TLK1: variants seen among roughly 807,000 people sequenced by gnomAD.
TLK1 encodes the protein serine/threonine-protein kinase tousled-like 1.
In TLK1, 24 loss-of-function variants were observed where a neutral mutation model predicts 105.3. That is an observed-to-expected ratio of 0.23 (90% CI 0.17 to 0.32). The LOEUF is 0.32. Ranked by LOEUF, TLK1 falls within the 10% of genes least tolerant of loss-of-function variation. The probability of loss-of-function intolerance (pLI) is 1.00; values close to 1 mark genes in which losing one functional copy is unlikely to be tolerated. For synonymous variants in TLK1, 321 were observed against 310.4 expected (o/e 1.03, Z -0.36); for missense variants, 558 against 910.5 (o/e 0.61, Z 4.98).
intron 1 of TLK1, among the ~76,000 whole-genome samples, chr2:171,227,895 G>T (rs573559953): frequency 2.6e-5 from 4 of 152,218 alleles, no homozygotes; most frequent in African/African-American, 7.2e-5. Context: ...AGCACTGAAG[G>T]CCAGACGCGG....
At chr2:171,067,452 C>T (rs372879389) in intron 3 of TLK1, among the ~76,000 whole-genome samples, 12 of 152,034 alleles carry the variant, frequency 7.9e-5, no homozygotes, top group East Asian at 3.9e-4. Context: ...TGAGCCACCA[C>T]GCCCGGCCAC....
rs1204202810 is a variant in TLK1, at chr2:170,993,280, C to CAGTTCTTACTTTG, written c.*487_*499dup. 33 of 152,774 alleles carry CAGTTCTTACTTTG rather than the reference C, an allele frequency of 2.2e-4. No individual in the cohort carries two copies. Among genetic ancestry groups the CAGTTCTTACTTTG allele is most frequent in the African/African-American group, 7.7e-4 (32 of 41,562 alleles). The allele number at this position is 152,774 out of a possible 1,614,324, so 9.5% of individuals were successfully genotyped here. A position where few individuals can be genotyped will look rare whatever the true frequency, so the allele number is the denominator to read the frequency against. On this transcript the variant is annotated 3_prime_UTR_variant, in exon 21 of 21. Transcript: ENST00000431350. Reference sequence around the variant, plus strand: ...ATAAAACACAACTGTCACTGTCATTCAGTTCTTACTTTGGTTTCAGCAGAT... The same window carrying CAGTTCTTACTTTG: ...ATAAAACACAACTGTCACTGTCATTCAGTTCTTACTTTGAGTTCTTACTTTGGTTTCAGCAGAT...
chr2:171,015,656 A>AT (rs1685147029), intron 12 of TLK1, among the ~76,000 whole-genome samples: 1 of 149,276 alleles, frequency 6.7e-6, no homozygotes, highest in Non-Finnish European at 1.5e-5. Flanking sequence ...ACAAGTACAC[A>AT]TATCACTCAT....
intron 2 of TLK1, among the ~76,000 whole-genome samples, chr2:171,101,990 GTTTC>G (rs1460459146): frequency 1.2e-4 from 18 of 152,078 alleles, no homozygotes; most frequent in Non-Finnish European, 1.5e-5. Context: ...GGCTACTTTG[GTTTC>G]TTTCTTATTG....
chr2:171,046,707 T>C (rs1439911635), intron 10 of TLK1, among the ~76,000 whole-genome samples: 1 of 152,194 alleles, frequency 6.6e-6, no homozygotes, highest in Non-Finnish European at 1.5e-5. Context: ...AGAACACAGA[T>C]GGTGTCTATT....
intron 1 of TLK1, among the ~76,000 whole-genome samples, chr2:171,170,381 T>G (rs1692704447): frequency 6.6e-6 from 1 of 152,064 alleles, no homozygotes; most frequent in South Asian, 2.1e-4. Flanking sequence ...GAAAATAAAT[T>G]AGCTAACTAT....
At chr2:171,197,617 A>C (rs766630944) in intron 1 of TLK1, among the ~76,000 whole-genome samples, 1 of 152,120 alleles carries the variant, frequency 6.6e-6, no homozygotes, top group Non-Finnish European at 1.5e-5. Flanking sequence ...TGTATCTACT[A>C]AAAGTACAAA....
At position 171,050,230 on chromosome 2, in the gene TLK1, G is replaced by T; in HGVS notation, c.733-56C>A. On this transcript the variant is annotated intron_variant, in intron 8 of 20. Transcript: ENST00000431350. ...TAGACTGGGGAATATGAAAAGCTTA[G>T]AAATAGTTTTAATGTTCTAAATAAA... 8.9e-6 allele frequency: 11 copies of T among 1,234,234 alleles called. No homozygotes were observed. In the South Asian group the frequency reaches 8.9e-5, roughly 10 times the overall value. 76.5% of individuals were successfully genotyped at this position (1,234,234 alleles called of 1,614,324 possible).
intron 1 of TLK1, among the ~76,000 whole-genome samples, chr2:171,201,357 A>G (rs1354990713): frequency 6.6e-6 from 1 of 152,138 alleles, no homozygotes; most frequent in African/African-American, 2.4e-5. Flanking sequence ...TTTGTCATCA[A>G]TCGTTATGAA....
intron 12 of TLK1, among the ~76,000 whole-genome samples, chr2:171,025,577 C>A (rs1332651876): frequency 1.3e-5 from 2 of 152,140 alleles, no homozygotes; most frequent in African/African-American, 4.8e-5. Context: ...TCAGATCCAG[C>A]CTATGGTAGA....
intron 3 of TLK1, among the ~76,000 whole-genome samples, 153 bp downstream of exon 3, chr2:171,082,628 T>C (rs112765353): frequency 2.6e-5 from 4 of 152,342 alleles, no homozygotes; most frequent in South Asian, 2.1e-4. Context: ...AATCTGAATG[T>C]TGTGCTTCAT....
intron 2 of TLK1, among the ~76,000 whole-genome samples, chr2:171,099,804 G>C (rs146175855): frequency 1.5e-4 from 23 of 152,250 alleles, no homozygotes; most frequent in Non-Finnish European, 2.2e-4. Flanking sequence ...ATAGTCCAAC[G>C]CGAAAAAATT....
intron 19 of TLK1, 80 bp downstream of exon 19, chr2:170,997,632 A>G: frequency 1.3e-6 from 1 of 745,538 alleles, no homozygotes; most frequent in South Asian, 3.0e-5. Flanking sequence ...ACTTTAAGTT[A>G]GTGAAATTTT....
At chr2:171,024,766 A>G (rs1048648168) in intron 12 of TLK1, among the ~76,000 whole-genome samples, 2 of 152,298 alleles carry the variant, frequency 1.3e-5, no homozygotes, top group African/African-American at 2.4e-5. Flanking sequence ...ATTAATGTTC[A>G]CTCAAAAATG....
At chr2:171,062,752 G>A (rs970759933) in intron 3 of TLK1, among the ~76,000 whole-genome samples, 2 of 152,086 alleles carry the variant, frequency 1.3e-5, no homozygotes, top group Admixed American at 6.6e-5. Context: ...CCTACATCAA[G>A]AACTAACTAA....
chr2:171,148,615 G>A (rs1308914932), intron 1 of TLK1, among the ~76,000 whole-genome samples: 1 of 151,994 alleles, frequency 6.6e-6, no homozygotes, highest in African/African-American at 2.4e-5. Context: ...GGGCACAGTG[G>A]CTCACACCTG....
rs931578342 is a variant in TLK1 at position 171,029,368 on chromosome 2, G to A, written c.1170-963C>T. ...ATTCTGGCCAGGTACAGTGGCTCAC[G>A]CCTGTAATCCCAGCACTCTGGGAGG... On this transcript the variant is annotated intron_variant, in intron 11 of 20. Coordinates refer to ENST00000431350, the MANE Select transcript of TLK1 (RefSeq NM_012290.5). Among the ~76,000 whole-genome samples the A allele has an allele frequency of 1.1e-4, 17 of 152,290 alleles. No individual in the cohort carries two copies. The East Asian group carries it at 2.7e-3, about 24-fold the overall frequency.
At chr2:171,013,815 CCAGT>C (rs1260554495) in intron 13 of TLK1, among the ~76,000 whole-genome samples, 8 of 152,156 alleles carry the variant, frequency 5.3e-5, no homozygotes, top group East Asian at 1.9e-4. Context: ...AACTACATGA[CCAGT>C]CAAAGATGAA....
intron 12 of TLK1, among the ~76,000 whole-genome samples, chr2:171,026,602 C>T (rs969567718): frequency 9.2e-5 from 14 of 152,084 alleles, no homozygotes; most frequent in African/African-American, 3.1e-4. Flanking sequence ...CTCAAGTACA[C>T]CTTGGAATCA....
Sources: allele counts gnomAD v4.1 joint callset (sites outside exome capture counted in the v4.1 genomes callset), GRCh38; gene constraint gnomAD v4.1.1; transcripts MANE v1.5; gene names NCBI Gene and HGNC (gene_info 2026-07-23, HGNC 2026-07-21).